PIEZO1: variants seen among roughly 807,000 people sequenced by gnomAD.
PIEZO1 encodes piezo-type mechanosensitive ion channel component 1.
In PIEZO1, 296 loss-of-function variants were observed where a neutral mutation model predicts 297.2. That is an observed-to-expected ratio of 1.00 (90% CI 0.91 to 1.10). PIEZO1 has a LOEUF of 1.10. Among genes scored for constraint, PIEZO1 ranks in the 50% least tolerant of loss-of-function variants. The probability of loss-of-function intolerance (pLI) is 0.00; values close to 1 mark genes in which losing one functional copy is unlikely to be tolerated. For synonymous variants in PIEZO1, 2,427 were observed against 1,507.5 expected (o/e 1.61, Z -14.13); for missense variants, 5,018 against 3,455.5 (o/e 1.45, Z -11.34).
At chr16:88,718,909 A>C (rs902065846) in intron 44 of PIEZO1, 1 of 154,264 alleles carries the variant, frequency 6.5e-6, no homozygotes, top group Non-Finnish European at 1.5e-5. Flanking sequence ...CTCACTCACT[A>C]TGTTGCCCAG....
rs894106495 is a variant in PIEZO1 at position 88,738,484 on chromosome 16, G to A, written c.635-44C>T. 2.6e-6 allele frequency: 4 copies of A among 1,528,542 alleles called. No homozygotes were observed. In the Middle Eastern group the frequency reaches 6.8e-4, roughly 258 times the overall value. The allele number at this position is 1,528,542 out of a possible 1,614,324, so 94.7% of individuals were successfully genotyped here. ...CAGGGTGGTACCTGGCCAGTGCCATGTGTCCCGCTGTCTCCACAGTCATCA... is the reference window on the plus strand; with the variant it reads ...CAGGGTGGTACCTGGCCAGTGCCATATGTCCCGCTGTCTCCACAGTCATCA... On this transcript the variant is annotated intron_variant, in intron 6 of 50. Transcript: ENST00000301015.
chr16:88,724,091 A>G (rs2142775417), intron 30 of PIEZO1, 120 bp from the exon 31 acceptor site: 1 of 659,454 alleles, frequency 1.5e-6, no homozygotes, highest in Admixed American at 2.3e-5. Context: ...AGCCGGGAGC[A>G]GTGCAGGCAC....
chr16:88,727,230 A>T (rs1290665864), intron 23 of PIEZO1, 38 bp from the exon 24 acceptor site: 1 of 1,499,490 alleles, frequency 6.7e-7, no homozygotes, highest in Admixed American at 2.2e-5. Context: ...CCACACGGGG[A>T]CCCACACGAG....
chr16:88,749,976 T>C (rs886589159), intron 1 of PIEZO1, among the ~76,000 whole-genome samples: 1 of 150,060 alleles, frequency 6.7e-6, no homozygotes, highest in African/African-American at 2.5e-5. Context: ...TACACTGAGA[T>C]GGCACCACTG....
At chr16:88,755,112 C>T (rs13339258) in intron 1 of PIEZO1, among the ~76,000 whole-genome samples, 20,145 of 152,228 alleles carry the variant, frequency 0.13, 4,028 homozygotes, top group African/African-American at 0.43. Context: ...TGATCTGTCC[C>T]GTACAGTCCT....
Position 88,722,610 on chromosome 16 carries a change from G to T in PIEZO1, c.4748C>A (p.Ala1583Asp), listed in dbSNP as rs940442937. Reference protein sequence around the residue: ...AEATLPGPTEAPNAPSTVSSG... With the variant: ...AEATLPGPTEDPNAPSTVSSG... ...GGACACGGTGCTTGGGGCATTGGGG[G>T]CCTCGGTGGGGCCTGGCAGCGTGGC... The change falls in exon 35 of 51, where the codon GCC becomes GAC. Residue 1583 changes from alanine (A) to aspartate (D), a missense_variant. Ala to Asp is a moderately radical substitution (Grantham distance 126). Coordinates refer to ENST00000301015, the MANE Select transcript of PIEZO1 (RefSeq NM_001142864.4). 12 of 1,537,648 alleles carry T rather than the reference G, an allele frequency of 7.8e-6. No individual in the cohort carries two copies. Among genetic ancestry groups the T allele is most frequent in the Non-Finnish European group, 9.6e-6 (11 of 1,145,338 alleles).
chr16:88,721,486 G>T, intron 38 of PIEZO1, 52 bp downstream of exon 38: 1 of 1,538,620 alleles, frequency 6.5e-7, no homozygotes, highest in South Asian at 1.2e-5. Flanking sequence ...GAGAGCACAG[G>T]TGCCCAGAGG....
Position 88,737,834 on chromosome 16 carries a change from G to C in PIEZO1, c.1021-20C>G, listed in dbSNP as rs1347436696. ...CTTCCTCTGCAGAGACCAGCGTCTT[G>C]AGCCCAAACCAGCTCCACACCCCAC... On this transcript the variant is annotated intron_variant, in intron 8 of 50. Transcript: ENST00000301015. 1 of 1,535,172 alleles carries C rather than the reference G, an allele frequency of 6.5e-7. No homozygotes were observed. Among genetic ancestry groups the C allele is most frequent in the South Asian group, 1.2e-5 (1 of 84,038 alleles).
intron 1 of PIEZO1, among the ~76,000 whole-genome samples, chr16:88,759,301 T>C (rs1456269062): frequency 2.0e-5 from 3 of 152,166 alleles, no homozygotes; most frequent in Non-Finnish European, 4.4e-5. Context: ...CTTCTTTTGC[T>C]ACCAGCTGAG....
chr16:88,720,110 G>A lies in PIEZO1; in HGVS notation c.6123C>T (p.Ile2041=), dbSNP rs1441477640. Residue 2041 remains isoleucine (I), a synonymous_variant, in exon 42 of 51, where the codon ATC becomes ATT. Coordinates refer to ENST00000301015, the MANE Select transcript of PIEZO1 (RefSeq NM_001142864.4). The stretch of plus-strand genomic sequence containing the variant: ...GCAGGATGAAGAACATCCATAGGTG[G>A]ATGGCCAGCACCAGCGCCACCTGGA... ...LAFQVALVLA[I]HLWMFFILPA... 1 of 1,550,272 alleles carries A rather than the reference G, an allele frequency of 6.5e-7. No individual in the cohort carries two copies. The highest frequency in any genetic ancestry group is 2.0e-5 in the Admixed American group (1 of 50,988).
At position 88,734,733 on chromosome 16, in the gene PIEZO1, C is replaced by A; in HGVS notation, c.1914G>T (p.Met638Ile). The A allele has an allele frequency of 1.3e-6, 2 of 1,550,310 alleles. No homozygotes were observed. Among genetic ancestry groups the A allele is most frequent in the Non-Finnish European group, 1.7e-6 (2 of 1,146,938 alleles). Reference sequence around the variant, plus strand: ...AGGTGTAGACGGCGATGAGGACCAGCATGGTGTAGGCCACCACGAGCCACC... The same window carrying A: ...AGGTGTAGACGGCGATGAGGACCAGAATGGTGTAGGCCACCACGAGCCACC... Reference protein sequence around the residue: ...AFWWLVVAYTMLVLIAVYTFQ... With the variant: ...AFWWLVVAYTILVLIAVYTFQ... The change falls in exon 15 of 51, where the codon ATG (methionine) becomes ATT (isoleucine). Residue 638 changes from methionine (M) to isoleucine (I), a missense_variant. Met to Ile is a conservative substitution (Grantham distance 10, BLOSUM62 1). Coordinates refer to ENST00000301015, the MANE Select transcript of PIEZO1 (RefSeq NM_001142864.4).
chr16:88,783,939 C>A (rs1908051293), intron 1 of PIEZO1, among the ~76,000 whole-genome samples: 2 of 152,240 alleles, frequency 1.3e-5, no homozygotes, highest in Non-Finnish European at 2.9e-5. Context: ...CCTGCCGTGT[C>A]CATGGCGGAC....
chr16:88,722,322 C>T lies in PIEZO1; in HGVS notation c.4851G>A (p.Thr1617=), dbSNP rs1045924498. 1.6e-5 allele frequency: 24 copies of T among 1,545,430 alleles called. No homozygotes were observed. Among genetic ancestry groups the T allele is most frequent in the African/African-American group, 8.2e-5 (6 of 72,974 alleles). The change falls in exon 36 of 51, where the codon ACG becomes ACA. Residue 1617 remains threonine (T), a synonymous_variant. Coordinates refer to ENST00000301015, the MANE Select transcript of PIEZO1 (RefSeq NM_001142864.4). ...TGACTGCCTCCTCACTGCCACTGCGCGTGTGGTAGCCGGTGCTCAGGGGGC... is the reference window on the plus strand; with the variant it reads ...TGACTGCCTCCTCACTGCCACTGCGTGTGTGGTAGCCGGTGCTCAGGGGGC... ...MGSPLSTGYH[T]RSGSEEAVTD...
At chr16:88,772,584 T>C (rs532195229) in intron 1 of PIEZO1, among the ~76,000 whole-genome samples, 61 of 152,084 alleles carry the variant, frequency 4.0e-4, no homozygotes, top group Non-Finnish European at 6.8e-4. Flanking sequence ...ATCAAGACCA[T>C]CCTGGACAAC....
At chr16:88,738,982 A>G in intron 5 of PIEZO1, 1 of 571,040 alleles carries the variant, frequency 1.8e-6, no homozygotes, top group Non-Finnish European at 3.1e-6. Flanking sequence ...ACCCTGGCCG[A>G]AGACCCAGGG....
Position 88,741,588 on chromosome 16 carries a change from T to G in PIEZO1, c.355A>C (p.Ile119Leu), listed in dbSNP as rs984135890. 5.2e-6 allele frequency: 8 copies of G among 1,533,530 alleles called. No homozygotes were observed. The African/African-American group carries it at 1.1e-4, about 21-fold the overall frequency. 95.0% of individuals were successfully genotyped at this position (1,533,530 alleles called of 1,614,324 possible). A position where few individuals can be genotyped will look rare whatever the true frequency, so the allele number is the denominator to read the frequency against. The change falls in exon 5 of 51, where the codon ATC (isoleucine) becomes CTC (leucine). Residue 119 changes from isoleucine (I) to leucine (L), a missense_variant. Ile to Leu is a conservative substitution (Grantham distance 5). Coordinates refer to ENST00000301015, the MANE Select transcript of PIEZO1 (RefSeq NM_001142864.4). ...CCCAGGTCAGGGGCCACCAGCCGGA[T>G]GGCGTTGGGGATGTCCTTCAGGTCC... ...RLDLKDIPNAIRLVAPDLGIL... is the reference protein window; with the variant it reads ...RLDLKDIPNALRLVAPDLGIL...
rs1371739848 is a variant in PIEZO1 at position 88,733,518 on chromosome 16, G to T, written c.2488-64C>A. On this transcript the variant is annotated intron_variant, in intron 18 of 50. Transcript: ENST00000301015. ...GCAGTGGGCACGTGGGGCTGGGCTT[G>T]GGGAGGCCAGCTGGGCAGGCCAGAG... 3 of 1,529,838 alleles carry T rather than the reference G, an allele frequency of 2.0e-6. No homozygotes were observed. The African/African-American group carries it at 4.1e-5, about 21-fold the overall frequency. 94.8% of individuals were successfully genotyped at this position (1,529,838 alleles called of 1,614,324 possible). A position where few individuals can be genotyped will look rare whatever the true frequency, so the allele number is the denominator to read the frequency against.
intron 1 of PIEZO1, among the ~76,000 whole-genome samples, chr16:88,767,548 C>T (rs1907232503): frequency 6.6e-6 from 1 of 152,142 alleles, no homozygotes; most frequent in South Asian, 2.1e-4. Context: ...GCTCCTCTCC[C>T]ATCTCTCTCA....
At chr16:88,727,469 G>A (rs1450639687) in intron 23 of PIEZO1, 88 bp downstream of exon 23, 9 of 653,740 alleles carry the variant, frequency 1.4e-5, no homozygotes, top group African/African-American at 3.7e-5. Context: ...GCCCGTGCAC[G>A]CCTGTGTGCA....
Sources: gnomAD v4.1 joint callset for allele counts (sites outside exome capture counted in the v4.1 genomes callset) on GRCh38, gnomAD v4.1.1 for gene constraint, MANE v1.5 for transcripts, NCBI Gene and HGNC (gene_info 2026-07-23, HGNC 2026-07-21) for gene names.